Variants in NALCN observed in about 807,000 individuals in gnomAD.
NALCN encodes sodium leak channel, non-selective.
NALCN carries 111 observed loss-of-function variants against 225.3 expected under a neutral mutation model. That is an observed-to-expected ratio of 0.49 (90% CI 0.42 to 0.58). The LOEUF (loss-of-function observed/expected upper bound fraction) is 0.58, where lower values mean the gene tolerates loss of function less well. Ranked by LOEUF, NALCN falls within the 20% of genes least tolerant of loss-of-function variation. NALCN has a pLI of 0.00. For synonymous variants in NALCN, 764 were observed against 769.0 expected (o/e 0.99, Z 0.11); for missense variants, 1,378 against 2,202.4 (o/e 0.63, Z 7.49).
chr13:101,099,365 T>G (rs1440870563), intron 27 of NALCN, among the ~76,000 whole-genome samples: 1 of 152,120 alleles, frequency 6.6e-6, no homozygotes, highest in Non-Finnish European at 1.5e-5. Flanking sequence ...GTATTTTGGC[T>G]GAACAAAGAT....
At chr13:101,280,828 C>T (rs1487441172) in intron 10 of NALCN, among the ~76,000 whole-genome samples, 1 of 151,780 alleles carries the variant, frequency 6.6e-6, no homozygotes. Flanking sequence ...TTCTACATCA[C>T]AGGGTTGTAG....
intron 6 of NALCN, among the ~76,000 whole-genome samples, chr13:101,375,622 T>G (rs1468955562): frequency 6.6e-6 from 1 of 152,228 alleles, no homozygotes; most frequent in East Asian, 1.9e-4. Flanking sequence ...GCTTGTAATC[T>G]CTTTTTGAAT....
intron 17 of NALCN, among the ~76,000 whole-genome samples, chr13:101,136,166 CCTCA>C (rs2036774519): frequency 2.6e-5 from 4 of 152,100 alleles, no homozygotes; most frequent in Non-Finnish European, 1.5e-5. Context: ...ATATAATGGT[CCTCA>C]AAAATGATTG....
chr13:101,199,028 A>T (rs1365832867), intron 13 of NALCN, among the ~76,000 whole-genome samples: 1 of 151,992 alleles, frequency 6.6e-6, no homozygotes, highest in Non-Finnish European at 1.5e-5. Flanking sequence ...TTCTCAGCAA[A>T]CTATCACAAG....
chr13:101,065,256 G>A (rs749642167), intron 40 of NALCN, 148 bp downstream of exon 40: 80 of 808,848 alleles, frequency 9.9e-5, no homozygotes, highest in Non-Finnish European at 1.5e-4. Context: ...GGCACTTAGC[G>A]CCTGGGACAT....
At chr13:101,147,867 T>C (rs2037435059) in intron 15 of NALCN, among the ~76,000 whole-genome samples, 1 of 152,102 alleles carries the variant, frequency 6.6e-6, no homozygotes, top group Non-Finnish European at 1.5e-5. Context: ...CCCCCACCTC[T>C]GCCGGCCCTC....
At chr13:101,270,204 T>C (rs958817669) in intron 10 of NALCN, among the ~76,000 whole-genome samples, 2 of 152,250 alleles carry the variant, frequency 1.3e-5, no homozygotes, top group Non-Finnish European at 2.9e-5. Context: ...TAGTTACCTG[T>C]ATTGTTGTGA....
At chr13:101,248,517 T>C (rs2041968486) in intron 11 of NALCN, among the ~76,000 whole-genome samples, 1 of 152,302 alleles carries the variant, frequency 6.6e-6, no homozygotes, top group South Asian at 2.1e-4. Context: ...TCATGAGCAC[T>C]GGCCATGTCA....
chr13:101,274,371 G>A (rs1185845298), intron 10 of NALCN, among the ~76,000 whole-genome samples: 5 of 152,176 alleles, frequency 3.3e-5, no homozygotes, highest in South Asian at 2.1e-4. Flanking sequence ...AAAGTATAAC[G>A]TGGACTGCCT....
intron 42 of NALCN, 83 bp from the exon 43 acceptor site, chr13:101,058,139 G>A (rs1225283385): frequency 2.5e-6 from 3 of 1,187,096 alleles, no homozygotes; most frequent in Non-Finnish European, 3.6e-6. Context: ...AAAACACATG[G>A]CAGGAGGACA....
At chr13:101,158,309 T>C (rs2038003414) in intron 15 of NALCN, among the ~76,000 whole-genome samples, 1 of 152,228 alleles carries the variant, frequency 6.6e-6, no homozygotes, top group South Asian at 2.1e-4. Context: ...GAGAATCTTG[T>C]CTTCCTTAGG....
At chr13:101,094,883 T>C (rs943380421) in intron 28 of NALCN, among the ~76,000 whole-genome samples, 1 of 152,150 alleles carries the variant, frequency 6.6e-6, no homozygotes, top group Admixed American at 6.6e-5. Flanking sequence ...TTCTTACACA[T>C]TTTCTAAAAG....
intron 34 of NALCN, among the ~76,000 whole-genome samples, chr13:101,080,569 C>T (rs1249446166): frequency 7.2e-4 from 79 of 109,428 alleles, no homozygotes; most frequent in African/African-American, 3.2e-3. Context: ...ATAATTATAA[C>T]CAAATAATTA....
At chr13:101,266,035 A>G (rs897336352) in intron 10 of NALCN, among the ~76,000 whole-genome samples, 1 of 152,212 alleles carries the variant, frequency 6.6e-6, no homozygotes, top group Admixed American at 6.5e-5. Context: ...CTGAGTTTAA[A>G]TCTTGTCTCT....
At chr13:101,130,343 G>A (rs1456237047) in intron 17 of NALCN, among the ~76,000 whole-genome samples, 1 of 152,112 alleles carries the variant, frequency 6.6e-6, no homozygotes, top group Non-Finnish European at 1.5e-5. Context: ...CTCCTCATTT[G>A]TATATCTGTA....
intron 1 of NALCN, among the ~76,000 whole-genome samples, chr13:101,405,685 C>T (rs1053245534): frequency 6.6e-6 from 1 of 152,184 alleles, no homozygotes; most frequent in African/African-American, 2.4e-5. Context: ...CTGCTGTCTC[C>T]CATTTAGGGG....
chr13:101,409,556 T>C (rs2047719390), intron 1 of NALCN, among the ~76,000 whole-genome samples: 1 of 152,182 alleles, frequency 6.6e-6, no homozygotes, highest in Non-Finnish European at 1.5e-5. Context: ...TTTGATGAGC[T>C]GCTACTATCA....
intron 6 of NALCN, among the ~76,000 whole-genome samples, chr13:101,355,024 C>A (rs2046010917): frequency 6.6e-6 from 1 of 152,158 alleles, no homozygotes; most frequent in Non-Finnish European, 1.5e-5. Context: ...TCTGAGTTCA[C>A]AGGGGATCTG....
chr13:101,137,132 T>G (rs898768361), intron 17 of NALCN, among the ~76,000 whole-genome samples: 1 of 152,194 alleles, frequency 6.6e-6, no homozygotes, highest in Non-Finnish European at 1.5e-5. Context: ...TACTAAAGCA[T>G]TTTTAAGCTA....
Sources: allele counts gnomAD v4.1 joint callset (sites outside exome capture counted in the v4.1 genomes callset), GRCh38; gene constraint gnomAD v4.1.1; transcripts MANE v1.5; gene names NCBI Gene and HGNC (gene_info 2026-07-23, HGNC 2026-07-21).